Variants in SERPINF1 observed in about 807,000 individuals in gnomAD.
SERPINF1 encodes the protein serpin family F member 1.
Under a neutral mutation model 37.3 loss-of-function variants are expected in SERPINF1, and 29 were observed. The observed-to-expected ratio is 0.78, with a 90% CI of 0.58 to 1.06. SERPINF1 has a LOEUF of 1.06. Ranked by LOEUF, SERPINF1 falls within the 50% of genes least tolerant of loss-of-function variation. The pLI is 0.00. For missense variants in SERPINF1, 553 were observed against 532.2 expected (o/e 1.04, Z -0.38); for synonymous variants, 281 against 227.9 (o/e 1.23, Z -2.10).
chr17:1,767,078 G>A (rs1448640960), intron 2 of SERPINF1, 84 bp downstream of exon 2: 1 of 1,244,084 alleles, frequency 8.0e-7, no homozygotes, highest in Non-Finnish European at 1.1e-6. Flanking sequence ...AGGGAACCCG[G>A]ACCCAGGTTC....
At chr17:1,767,077 G>C (rs1288255846) in intron 2 of SERPINF1, 83 bp downstream of exon 2, 2 of 1,249,956 alleles carry the variant, frequency 1.6e-6, no homozygotes, top group Non-Finnish European at 2.2e-6. Context: ...CAGGGAACCC[G>C]GACCCAGGTT....
At chr17:1,773,770 T>C (rs1390239231) in intron 5 of SERPINF1, among the ~76,000 whole-genome samples, 1 of 152,154 alleles carries the variant, frequency 6.6e-6, no homozygotes, top group African/African-American at 2.4e-5. Flanking sequence ...GGTGATGTGT[T>C]TGGAGCTTGT....
rs199735427 is a variant in SERPINF1 at position 1,769,839 on chromosome 17, T to G, written c.85-13T>G. ...CCCTGAACTCAAACCCAAGACTTCC[T>G]GTCTCCTGCCAGGGCTCCCCAGACC... On this transcript the variant is annotated splice_polypyrimidine_tract_variant and intron_variant, in intron 2 of 7. Coordinates refer to ENST00000254722, the MANE Select transcript of SERPINF1 (RefSeq NM_002615.7). The G allele has an allele frequency of 1.5e-4, 247 of 1,614,164 alleles. No individual in the cohort carries two copies. The highest frequency in any genetic ancestry group is 2.0e-4 in the Non-Finnish European group (239 of 1,180,004).
chr17:1,769,000 T>G (rs1597349127), intron 2 of SERPINF1, among the ~76,000 whole-genome samples: 2 of 142,186 alleles, frequency 1.4e-5, no homozygotes, highest in Admixed American at 7.1e-5. Flanking sequence ...TAGAGACGGG[T>G]TTCACCGTGT....
intron 6 of SERPINF1, 78 bp from the exon 7 acceptor site, chr17:1,776,454 G>C (rs1277784585): frequency 1.5e-6 from 2 of 1,329,396 alleles, no homozygotes; most frequent in Non-Finnish European, 2.2e-6. Flanking sequence ...ACGGGAGAGG[G>C]AAGGCAGCTC....
At chr17:1,769,180 C>T (rs1907566918) in intron 2 of SERPINF1, among the ~76,000 whole-genome samples, 2 of 150,524 alleles carry the variant, frequency 1.3e-5, no homozygotes, top group African/African-American at 4.9e-5. Flanking sequence ...TAGACCGAGG[C>T]GGGTGGATCA....
At chr17:1,773,122 T>A (rs1907844318) in intron 5 of SERPINF1, among the ~76,000 whole-genome samples, 1 of 152,164 alleles carries the variant, frequency 6.6e-6, no homozygotes, top group South Asian at 2.1e-4. Flanking sequence ...CTGCTTGTCA[T>A]CAAATCCAAG....
At chr17:1,769,271 T>C (rs113292199) in intron 2 of SERPINF1, among the ~76,000 whole-genome samples, 6,232 of 151,726 alleles carry the variant, frequency 0.041, 164 homozygotes, top group Middle Eastern at 0.072. Context: ...TACCCAGGCA[T>C]GGTGGTGGGC....
chr17:1,771,150 C>G lies in SERPINF1; in HGVS notation c.405C>G (p.Asn135Lys), dbSNP rs1167789562. ...ACACGGTCACTGCCCCCCAGAAGAA[C>G]CTCAAGAGTGCCTCCCGGATCGTCT... The part of the protein sequence containing the change: ...LLDTVTAPQK[N>K]LKSASRIVFE... Residue 135 changes from asparagine to lysine, a missense_variant, in exon 4 of 8, where the codon AAC (asparagine) becomes AAG (lysine). By Grantham distance (94) the Asn-to-Lys change is moderately conservative. Coordinates refer to ENST00000254722, the MANE Select transcript of SERPINF1 (RefSeq NM_002615.7). 1 of 1,614,064 alleles carries G rather than the reference C, an allele frequency of 6.2e-7. No individual in the cohort carries two copies. Among genetic ancestry groups the G allele is most frequent in the East Asian group, 2.2e-5 (1 of 44,878 alleles).
In SERPINF1 at chr17:1,775,114, GA is replaced by G. The variant is rs762250755; in HGVS notation, c.701del (p.Asp234ValfsTer6). On this transcript the variant is annotated frameshift_variant, in exon 6 of 8. Transcript: ENST00000254722. LOFTEE classifies it high-confidence loss of function. ...RKTSLEDFYL[D>X]EERTVRVPMM... ...GACTTCCCTCGAGGATTTCTACTTGGATGAAGAGAGGACCGTGAGGGTCCCC... is the reference window on the plus strand; with the variant it reads ...GACTTCCCTCGAGGATTTCTACTTGGTGAAGAGAGGACCGTGAGGGTCCCC... 1 of 1,613,830 alleles carries G rather than the reference GA, an allele frequency of 6.2e-7. No homozygotes were observed. Among genetic ancestry groups the G allele is most frequent in the African/African-American group, 1.3e-5 (1 of 74,892 alleles).
At chr17:1,772,782 G>A (rs1270946002) in intron 5 of SERPINF1, among the ~76,000 whole-genome samples, 2 of 150,140 alleles carry the variant, frequency 1.3e-5, no homozygotes, top group Non-Finnish European at 3.0e-5. Flanking sequence ...TCCTGACCTC[G>A]TGATCCACCC....
chr17:1,773,914 C>T (rs1017991710), intron 5 of SERPINF1, among the ~76,000 whole-genome samples: 3 of 152,134 alleles, frequency 2.0e-5, no homozygotes, highest in Non-Finnish European at 2.9e-5. Context: ...GAGCGGCCCC[C>T]GAGCCTGGAC....
chr17:1,766,764 G>A (rs1907403357), intron 1 of SERPINF1, 139 bp from the exon 2 acceptor site: 1 of 747,338 alleles, frequency 1.3e-6, no homozygotes, highest in African/African-American at 1.7e-5. Context: ...GGAGGGGTGA[G>A]GGGTGGTCGC....
At chr17:1,774,963 G>T in intron 5 of SERPINF1, 95 bp from the exon 6 acceptor site, 1 of 1,536,306 alleles carries the variant, frequency 6.5e-7, no homozygotes, top group Non-Finnish European at 9.0e-7. Flanking sequence ...CCCTTGAGTG[G>T]GGCAATTTTC....
chr17:1,777,042 C>A, intron 7 of SERPINF1, 145 bp from the exon 8 acceptor site: 1 of 1,305,676 alleles, frequency 7.7e-7, no homozygotes, highest in Non-Finnish European at 1.1e-6. Context: ...GGGCAAGTCA[C>A]TCCACCCTCG....
At chr17:1,770,988 T>C in intron 3 of SERPINF1, 41 bp from the exon 4 acceptor site, 1 of 1,613,300 alleles carries the variant, frequency 6.2e-7, no homozygotes, top group Non-Finnish European at 8.5e-7. Flanking sequence ...TTTGGGGCCC[T>C]GGTGTGCAGT....
chr17:1,770,919 T>G, intron 3 of SERPINF1, 110 bp from the exon 4 acceptor site: 1 of 1,352,216 alleles, frequency 7.4e-7, no homozygotes. Context: ...TCAGCCTACT[T>G]GGGCTCTCAG....
intron 6 of SERPINF1, 139 bp from the exon 7 acceptor site, chr17:1,776,393 A>C: frequency 2.6e-6 from 2 of 781,128 alleles, no homozygotes; most frequent in South Asian, 2.8e-5. Context: ...CTGGAAGGGG[A>C]ATTGTTAAAT....
At chr17:1,769,408 CAA>C (rs36107647) in intron 2 of SERPINF1, among the ~76,000 whole-genome samples, 11 of 120,564 alleles carry the variant, frequency 9.1e-5, no homozygotes, top group Non-Finnish European at 9.1e-5. Flanking sequence ...GACTCCGTCT[CAA>C]AAAAAAAAAA....
Sources: allele counts gnomAD v4.1 joint callset (sites outside exome capture counted in the v4.1 genomes callset), GRCh38; gene constraint gnomAD v4.1.1; transcripts MANE v1.5; gene names NCBI Gene and HGNC (gene_info 2026-07-23, HGNC 2026-07-21).